Variants in VPS13B observed in about 807,000 individuals in gnomAD.
The protein encoded by VPS13B is vacuolar protein sorting 13 homolog B, also known as intermembrane lipid transfer protein VPS13B.
Under a neutral mutation model 426.4 loss-of-function variants are expected in VPS13B, and 285 were observed. The ratio of observed to expected loss-of-function variants is 0.67; its 90% confidence interval spans 0.61 to 0.74. VPS13B has a LOEUF of 0.74. VPS13B is among the 30% of genes least tolerant of loss of function. The probability of loss-of-function intolerance (pLI) is 0.00; values close to 1 mark genes in which losing one functional copy is unlikely to be tolerated. For missense variants in VPS13B, 4,537 were observed against 4,782.6 expected, an observed-to-expected ratio of 0.95 and a Z score of 1.51; for synonymous variants, 1,676 against 1,676.4, an observed-to-expected ratio of 1.00 and a Z score of 0.01.
intron 58 of VPS13B, among the ~76,000 whole-genome samples, chr8:99,865,882 G>C (rs1439825146): frequency 1.3e-5 from 2 of 152,236 alleles, no homozygotes; most frequent in South Asian, 4.1e-4. Context: ...CCATAGCCCA[G>C]TGACCAAGTA....
chr8:99,068,739 G>T (rs1587992663), intron 3 of VPS13B, among the ~76,000 whole-genome samples: 1 of 152,120 alleles, frequency 6.6e-6, no homozygotes, highest in Non-Finnish European at 1.5e-5. Context: ...CACTTTAAAG[G>T]CCATTAAATC....
intron 39 of VPS13B, among the ~76,000 whole-genome samples, chr8:99,727,964 A>G (rs746668176): frequency 6.6e-6 from 1 of 152,220 alleles, no homozygotes; most frequent in African/African-American, 2.4e-5. Context: ...CTAACATTCA[A>G]ATCATGTAAC....
At chr8:99,145,778 A>G (rs1810681354) in intron 13 of VPS13B, among the ~76,000 whole-genome samples, 1 of 152,252 alleles carries the variant, frequency 6.6e-6, no homozygotes, top group Admixed American at 6.5e-5. Flanking sequence ...GCTGCTCTGA[A>G]CAGTTGTGTA....
intron 2 of VPS13B, among the ~76,000 whole-genome samples, chr8:99,015,657 A>T (rs534185652): frequency 5.3e-5 from 8 of 152,014 alleles, no homozygotes; most frequent in African/African-American, 1.9e-4. Flanking sequence ...TAACCCCAGC[A>T]CTTTGGGAGG....
chr8:99,679,300 A>C (rs1196021007), intron 35 of VPS13B, among the ~76,000 whole-genome samples: 2 of 152,204 alleles, frequency 1.3e-5, no homozygotes, highest in Non-Finnish European at 2.9e-5. Flanking sequence ...TGACATAGGC[A>C]CCAAAAAAGA....
At chr8:99,335,319 C>G (rs1300083393) in intron 19 of VPS13B, among the ~76,000 whole-genome samples, 1 of 152,106 alleles carries the variant, frequency 6.6e-6, no homozygotes, top group Non-Finnish European at 1.5e-5. Flanking sequence ...CTCCTGGATT[C>G]ATTAATTTTT....
chr8:99,386,460 A>G (rs1207906711), intron 20 of VPS13B, among the ~76,000 whole-genome samples: 1 of 152,174 alleles, frequency 6.6e-6, no homozygotes, highest in Non-Finnish European at 1.5e-5. Flanking sequence ...TCTCTGGTAT[A>G]GCCTATTGCT....
chr8:99,490,655 T>C (rs1336589288), intron 25 of VPS13B, among the ~76,000 whole-genome samples: 3 of 152,242 alleles, frequency 2.0e-5, no homozygotes, highest in Non-Finnish European at 4.4e-5. Flanking sequence ...CAAGAACTTA[T>C]CCATTCCTTC....
At chr8:99,387,794 G>C (rs1010152214) in intron 20 of VPS13B, among the ~76,000 whole-genome samples, 1 of 152,064 alleles carries the variant, frequency 6.6e-6, no homozygotes, top group Non-Finnish European at 1.5e-5. Context: ...TGAAAATGTA[G>C]AGAATGATTA....
Position 99,387,188 on chromosome 8 carries a change from A to G in VPS13B, c.2934+2871A>G, listed in dbSNP as rs190957486. Among the ~76,000 whole-genome samples the G allele has an allele frequency of 2.5e-3, 379 of 152,260 alleles. 1 individual carries two copies. The highest frequency in any genetic ancestry group is 8.4e-3 in the African/African-American group (350 of 41,558). ...TTTGTTGTATCACCAAATTGCTTCCAAAATGGGTATAAAATTTGCATTTTC... is the reference window on the plus strand; with the variant it reads ...TTTGTTGTATCACCAAATTGCTTCCGAAATGGGTATAAAATTTGCATTTTC... On this transcript the variant is annotated intron_variant, in intron 20 of 61. Coordinates refer to ENST00000357162, the MANE Select transcript of VPS13B (RefSeq NM_152564.5).
At chr8:99,863,806 C>T (rs1334463412) in intron 58 of VPS13B, among the ~76,000 whole-genome samples, 1 of 152,166 alleles carries the variant, frequency 6.6e-6, no homozygotes, top group Non-Finnish European at 1.5e-5. Context: ...CTGCAGTGGG[C>T]TCATGGGGTC....
intron 3 of VPS13B, among the ~76,000 whole-genome samples, chr8:99,068,870 G>A (rs1273473699): frequency 6.6e-6 from 1 of 152,116 alleles, no homozygotes; most frequent in African/African-American, 2.4e-5. Context: ...TGAAATTTGG[G>A]TTGGTACACA....
At chr8:99,449,263 A>G (rs1818071308) in intron 23 of VPS13B, among the ~76,000 whole-genome samples, 1 of 152,260 alleles carries the variant, frequency 6.6e-6, no homozygotes, top group African/African-American at 2.4e-5. Context: ...TTCTTAGCTT[A>G]GATGTCAATA....
At chr8:99,091,950 C>T (rs7010279) in intron 3 of VPS13B, 4,443 of 152,330 alleles carry the variant, frequency 0.029, 96 homozygotes, top group South Asian at 0.063. Flanking sequence ...TCTCCTTCTT[C>T]AGCTCTTTCC....
chr8:99,618,302 T>A (rs1345065011), intron 33 of VPS13B, among the ~76,000 whole-genome samples: 2 of 145,074 alleles, frequency 1.4e-5, no homozygotes, highest in South Asian at 2.1e-4. Flanking sequence ...AAAAAAAAAA[T>A]TCTGTCAATT....
chr8:99,200,374 T>G (rs971074204), intron 17 of VPS13B, among the ~76,000 whole-genome samples: 6 of 150,272 alleles, frequency 4.0e-5, no homozygotes, highest in Admixed American at 1.3e-4. Context: ...CAAGTACAGG[T>G]TTTTTTTTGT....
At chr8:99,800,457 GTATT>G (rs1813066084) in intron 43 of VPS13B, among the ~76,000 whole-genome samples, 1 of 151,998 alleles carries the variant, frequency 6.6e-6, no homozygotes, top group African/African-American at 2.4e-5. Flanking sequence ...TTTTTTAACT[GTATT>G]TATATCTGAT....
intron 43 of VPS13B, among the ~76,000 whole-genome samples, chr8:99,808,027 A>G (rs1266435323): frequency 6.6e-6 from 1 of 151,976 alleles, no homozygotes; most frequent in Non-Finnish European, 1.5e-5. Context: ...TATTATGGCA[A>G]TTTCCATGTA....
intron 16 of VPS13B, among the ~76,000 whole-genome samples, chr8:99,183,665 G>T (rs1286581360): frequency 6.6e-6 from 1 of 151,912 alleles, no homozygotes; most frequent in Non-Finnish European, 1.5e-5. Flanking sequence ...GAAAATCTTA[G>T]TAACTAATAT....
Sources: allele counts gnomAD v4.1 joint callset (sites outside exome capture counted in the v4.1 genomes callset), GRCh38; gene constraint gnomAD v4.1.1; transcripts MANE v1.5; gene names NCBI Gene and HGNC (gene_info 2026-07-23, HGNC 2026-07-21).